The following WASHC4 variants were observed in gnomAD, a reference collection of about 807,000 sequenced individuals.
The protein encoded by WASHC4 is WASH complex subunit 4.
Under a neutral mutation model 166.6 loss-of-function variants are expected in WASHC4, and 86 were observed. The ratio of observed to expected loss-of-function variants is 0.52; its 90% CI spans 0.43 to 0.62. The LOEUF (loss-of-function observed/expected upper bound fraction) is 0.62. WASHC4 is among the 20% of genes least tolerant of loss of function. WASHC4 has a pLI of 0.00. For missense variants in WASHC4, 1,262 were observed against 1,382.4 expected (o/e 0.91, Z 1.38); for synonymous variants, 446 against 451.6 (o/e 0.99, Z 0.16).
chr12:105,139,440 T>TATATATAC (rs1449031475), intron 15 of WASHC4, among the ~76,000 whole-genome samples: 1 of 144,552 alleles, frequency 6.9e-6, no homozygotes, highest in Non-Finnish European at 1.5e-5. Context: ...TATATATATA[T>TATATATAC]ATATATATAT....
At chr12:105,145,600 AG>A (rs1883227329) in intron 22 of WASHC4, among the ~76,000 whole-genome samples, 1 of 152,040 alleles carries the variant, frequency 6.6e-6, no homozygotes, top group Non-Finnish European at 1.5e-5. Context: ...AGAACATGCT[AG>A]GCACTGAACT....
At chr12:105,137,570 A>G (rs1310352562) in intron 14 of WASHC4, among the ~76,000 whole-genome samples, 1 of 152,240 alleles carries the variant, frequency 6.6e-6, no homozygotes, top group African/African-American at 2.4e-5. Flanking sequence ...ATACCTTTCT[A>G]ACATTCAAAT....
Position 105,149,762 on chromosome 12 carries a change from T to A in WASHC4, c.2649+13T>A. ...AAATGATCATAAGGTAGGCTACCTA[T>A]TCTTTTTAAGGTATTTGATTAAGCT... is the stretch of plus-strand genomic sequence containing the variant. On this transcript the variant is annotated intron_variant, in intron 25 of 32. Coordinates refer to ENST00000332180, the MANE Select transcript of WASHC4 (RefSeq NM_015275.3). The A allele has an allele frequency of 8.8e-6, 14 of 1,588,410 alleles. No individual in the cohort carries two copies. The highest frequency in any genetic ancestry group is 1.2e-5 in the Non-Finnish European group (14 of 1,162,790).
At chr12:105,130,769 G>T (rs1257050633) in intron 13 of WASHC4, among the ~76,000 whole-genome samples, 2 of 152,204 alleles carry the variant, frequency 1.3e-5, no homozygotes, top group Non-Finnish European at 1.5e-5. Flanking sequence ...CTTGACTGGG[G>T]TCCAAGGTTT....
chr12:105,109,891 A>G (rs1201741734), intron 1 of WASHC4, among the ~76,000 whole-genome samples: 1 of 152,136 alleles, frequency 6.6e-6, no homozygotes, highest in Non-Finnish European at 1.5e-5. Context: ...GTGAGCCACC[A>G]TGCCCGGCCT....
At chr12:105,160,190 A>G in intron 29 of WASHC4, 42 bp downstream of exon 29, 1 of 1,521,836 alleles carries the variant, frequency 6.6e-7, no homozygotes, top group Non-Finnish European at 9.1e-7. Flanking sequence ...TTTTTTAAAA[A>G]GAGTATGCAC....
intron 10 of WASHC4, among the ~76,000 whole-genome samples, chr12:105,123,058 T>C (rs1335534744): frequency 6.6e-6 from 1 of 152,212 alleles, no homozygotes. Flanking sequence ...CTCATGCCTG[T>C]AATCCCAGCA....
In WASHC4 at chr12:105,140,295, C is replaced by T. The variant is rs771346211; in HGVS notation, c.1454C>T (p.Ala485Val). Residue 485 changes from alanine to valine, a missense_variant and splice_region_variant, in exon 16 of 33, where the codon GCA becomes GTA. Ala to Val is a moderately conservative substitution (Grantham distance 64, BLOSUM62 0). Coordinates refer to ENST00000332180, the MANE Select transcript of WASHC4 (RefSeq NM_015275.3). Reference sequence around the variant, plus strand: ...AAAATTATTTCTGATTCTTTTTAGGCAATAGAGCATATGTTCTACAGGAGA... The same window carrying T: ...AAAATTATTTCTGATTCTTTTTAGGTAATAGAGCATATGTTCTACAGGAGA... ...ALCRLVELLKAIEHMFYRRSM... is the reference protein window; with the variant it reads ...ALCRLVELLKVIEHMFYRRSM... 92 of 1,605,264 alleles carry T rather than the reference C, an allele frequency of 5.7e-5. No individual in the cohort carries two copies. The highest frequency in any genetic ancestry group is 7.4e-5 in the Non-Finnish European group (87 of 1,172,158).
chr12:105,118,640 T>TA (rs1880418020), intron 7 of WASHC4, 112 bp downstream of exon 7: 1 of 742,988 alleles, frequency 1.3e-6, no homozygotes, highest in Non-Finnish European at 2.4e-6. Flanking sequence ...TTTGAACACT[T>TA]ATGATATTTC....
intron 25 of WASHC4, among the ~76,000 whole-genome samples, chr12:105,150,866 G>A (rs962515457): frequency 1.2e-4 from 6 of 51,816 alleles, no homozygotes; most frequent in African/African-American, 6.2e-4. Flanking sequence ...CCAGCGAAGC[G>A]GGAAGCCCTT....
intron 14 of WASHC4, among the ~76,000 whole-genome samples, chr12:105,136,080 T>A (rs1282619612): frequency 1.3e-5 from 2 of 152,176 alleles, no homozygotes; most frequent in African/African-American, 2.4e-5. Context: ...TCTAGTAGGT[T>A]GATCAAGATG....
intron 26 of WASHC4, among the ~76,000 whole-genome samples, chr12:105,154,605 CA>C (rs904506786): frequency 3.3e-5 from 5 of 152,126 alleles, no homozygotes; most frequent in Admixed American, 2.0e-4. Flanking sequence ...TTCAGTACAA[CA>C]AATGTTTCTA....
At chr12:105,163,812 C>G (rs544339117) in intron 30 of WASHC4, among the ~76,000 whole-genome samples, 1 of 152,216 alleles carries the variant, frequency 6.6e-6, no homozygotes, top group Non-Finnish European at 1.5e-5. Flanking sequence ...AAGTTTTATT[C>G]TTTATGCTTA....
At chr12:105,134,703 C>T (rs546035407) in intron 14 of WASHC4, among the ~76,000 whole-genome samples, 7 of 151,850 alleles carry the variant, frequency 4.6e-5, no homozygotes, top group Non-Finnish European at 1.0e-4. Context: ...TCACTTGTGG[C>T]CTTCCTGGCT....
chr12:105,150,605 G>A (rs973790557), intron 25 of WASHC4, among the ~76,000 whole-genome samples: 5 of 152,162 alleles, frequency 3.3e-5, no homozygotes, highest in Non-Finnish European at 7.3e-5. Flanking sequence ...GCAACATGGC[G>A]AAACCTCATC....
Position 105,167,053 on chromosome 12 carries a change from C to G in WASHC4, c.*122C>G, listed in dbSNP as rs139071787. The G allele has an allele frequency of 1.5e-3, 1,138 of 739,652 alleles. 5 individuals are homozygous for G. The African/African-American group carries it at 0.016, about 10-fold the overall frequency. The allele number at this position is 739,652 out of a possible 1,614,324, so 45.8% of individuals were successfully genotyped here. A position where few individuals can be genotyped will look rare whatever the true frequency, so the allele number is the denominator to read the frequency against. Reference sequence around the variant, plus strand: ...TCACATCTCTGGAAAATAGATGTTACAGTTCTTAAAGGCAGTGCTTTAAAG... The same window carrying G: ...TCACATCTCTGGAAAATAGATGTTAGAGTTCTTAAAGGCAGTGCTTTAAAG... On this transcript the variant is annotated 3_prime_UTR_variant, in exon 33 of 33. Transcript: ENST00000332180.
At chr12:105,149,436 A>G in intron 24 of WASHC4, 179 bp from the exon 25 acceptor site, 1 of 1,055,606 alleles carries the variant, frequency 9.5e-7, no homozygotes. Context: ...AAGTTTTGTG[A>G]ACTTCAGCAA....
At chr12:105,148,491 A>T in intron 24 of WASHC4, 1 of 985,312 alleles carries the variant, frequency 1.0e-6, no homozygotes, top group Non-Finnish European at 1.2e-6. Flanking sequence ...ATGAATGTAG[A>T]TTACTGATGT....
At chr12:105,113,800 T>C (rs1430849327) in intron 2 of WASHC4, among the ~76,000 whole-genome samples, 3 of 152,030 alleles carry the variant, frequency 2.0e-5, no homozygotes, top group Non-Finnish European at 4.4e-5. Flanking sequence ...AAGATGTATT[T>C]TCTGTCTTGT....
Sources: gnomAD v4.1 joint callset for allele counts (sites outside exome capture counted in the v4.1 genomes callset) on GRCh38, gnomAD v4.1.1 for gene constraint, MANE v1.5 for transcripts, NCBI Gene and HGNC (gene_info 2026-07-23, HGNC 2026-07-21) for gene names.